Variants in MALRD1 observed in about 807,000 individuals in gnomAD.
The protein encoded by MALRD1 is MAM and LDL-receptor class A domain-containing protein 1.
MALRD1 carries 247 observed loss-of-function variants against 242.1 expected under a neutral mutation model. The ratio of observed to expected loss-of-function variants is 1.02; its 90% CI spans 0.92 to 1.13. The LOEUF (loss-of-function observed/expected upper bound fraction) is 1.13. MALRD1 is among the 50% of genes most tolerant of loss of function. The probability of loss-of-function intolerance (pLI) is 0.00; values close to 1 mark genes in which losing one functional copy is unlikely to be tolerated. For synonymous variants in MALRD1, 995 were observed against 866.6 expected, an observed-to-expected ratio of 1.15 and a Z score of -2.60; for missense variants, 2,989 against 2,533.1, an observed-to-expected ratio of 1.18 and a Z score of -3.86.
At chr10:19,318,166 T>C (rs1286440674) in intron 21 of MALRD1, among the ~76,000 whole-genome samples, 1 of 152,044 alleles carries the variant, frequency 6.6e-6, no homozygotes, top group African/African-American at 2.4e-5. Flanking sequence ...AATAATCTCA[T>C]TGCAGACATA....
chr10:19,274,516 A>G (rs917352273), intron 19 of MALRD1, among the ~76,000 whole-genome samples: 1 of 152,200 alleles, frequency 6.6e-6, no homozygotes, highest in African/African-American at 2.4e-5. Context: ...ATGTGAGGAT[A>G]CAAGGAGAAA....
chr10:19,608,024 T>G (rs2131592825), intron 35 of MALRD1, 122 bp downstream of exon 35: 3 of 1,325,012 alleles, frequency 2.3e-6, no homozygotes, highest in African/African-American at 2.9e-5. Flanking sequence ...GAATTTCTAT[T>G]CTTGGTTTGG....
At chr10:19,394,762 C>G (rs1239352194) in intron 28 of MALRD1, among the ~76,000 whole-genome samples, 1 of 152,174 alleles carries the variant, frequency 6.6e-6, no homozygotes, top group Non-Finnish European at 1.5e-5. Flanking sequence ...TGTCGACCTT[C>G]TAAAAGTTTT....
intron 1 of MALRD1, among the ~76,000 whole-genome samples, chr10:19,061,400 A>G (rs1288418526): frequency 6.6e-6 from 1 of 152,168 alleles, no homozygotes; most frequent in African/African-American, 2.4e-5. Flanking sequence ...AAATTTCAAT[A>G]ATTTTTCTTC....
Position 19,068,848 on chromosome 10 carries a change from C to A in MALRD1, c.340+1989C>A, listed in dbSNP as rs1413548938. Among the ~76,000 whole-genome samples, 3 of 152,024 alleles carry A rather than the reference C, an allele frequency of 2.0e-5. No homozygotes were observed. The East Asian group carries it at 5.8e-4, about 29-fold the overall frequency. Reference sequence around the variant, plus strand: ...ATATTTTTCATTATGTAACCAATGCCTTGAGTGGCAAGTTTGAGAATCCAT... The same window carrying A: ...ATATTTTTCATTATGTAACCAATGCATTGAGTGGCAAGTTTGAGAATCCAT... On this transcript the variant is annotated intron_variant, in intron 2 of 39. Transcript: ENST00000454679.
intron 19 of MALRD1, among the ~76,000 whole-genome samples, chr10:19,274,221 C>T (rs977228474): frequency 2.0e-5 from 3 of 152,048 alleles, no homozygotes; most frequent in Non-Finnish European, 4.4e-5. Flanking sequence ...GTAGAATAAC[C>T]CAAATGTCTA....
At chr10:19,391,637 G>A (rs997994812) in intron 28 of MALRD1, among the ~76,000 whole-genome samples, 4 of 152,134 alleles carry the variant, frequency 2.6e-5, no homozygotes, top group Admixed American at 6.6e-5. Context: ...TCCACACCGA[G>A]TCGCACCCAA....
intron 21 of MALRD1, among the ~76,000 whole-genome samples, chr10:19,284,214 T>G (rs1840978315): frequency 6.6e-6 from 1 of 152,152 alleles, no homozygotes; most frequent in Non-Finnish European, 1.5e-5. Context: ...GAATATTTTC[T>G]AGTGTTGTAA....
At chr10:19,217,292 T>C (rs542886724) in intron 18 of MALRD1, among the ~76,000 whole-genome samples, 3 of 152,208 alleles carry the variant, frequency 2.0e-5, no homozygotes, top group Non-Finnish European at 4.4e-5. Context: ...CTGATTCCTG[T>C]GTGCCATAAA....
At chr10:19,250,223 A>G (rs1040243700) in intron 18 of MALRD1, among the ~76,000 whole-genome samples, 1 of 152,016 alleles carries the variant, frequency 6.6e-6, no homozygotes, top group Admixed American at 6.6e-5. Flanking sequence ...ATACCTTATT[A>G]TCTCATTTTT....
At chr10:19,373,959 G>A (rs1845494099) in intron 26 of MALRD1, among the ~76,000 whole-genome samples, 1 of 152,108 alleles carries the variant, frequency 6.6e-6, no homozygotes, top group Non-Finnish European at 1.5e-5. Context: ...AAAACCAATA[G>A]AACTAAATGA....
chr10:19,662,591 A>T (rs979378257), intron 36 of MALRD1, among the ~76,000 whole-genome samples: 3 of 152,200 alleles, frequency 2.0e-5, no homozygotes, highest in Admixed American at 2.0e-4. Flanking sequence ...AGACCAAGGT[A>T]TTAAGAGTTT....
At position 19,607,759 on chromosome 10, in the gene MALRD1, A is replaced by T; in HGVS notation, c.5945-18A>T. ...AATCATGCTGGCATCCCTGATCATT[A>T]TTCTTTTTTTTTTGCAGCCAACAAA... On this transcript the variant is annotated intron_variant, in intron 34 of 39. Coordinates refer to ENST00000454679, the MANE Select transcript of MALRD1 (RefSeq NM_001142308.3). The T allele has an allele frequency of 1.3e-6, 2 of 1,544,002 alleles. No homozygotes were observed. The highest frequency in any genetic ancestry group is 1.2e-5 in the South Asian group (1 of 82,772).
At chr10:19,051,782 T>C in intron 1 of MALRD1, 1 of 156,412 alleles carries the variant, frequency 6.4e-6, no homozygotes, top group South Asian at 1.8e-4. Flanking sequence ...ATTATCAGGG[T>C]GTGGTGGCAG....
intron 38 of MALRD1, among the ~76,000 whole-genome samples, chr10:19,719,277 T>C (rs952800746): frequency 3.6e-4 from 51 of 140,498 alleles, no homozygotes; most frequent in African/African-American, 1.3e-3. Context: ...AATATATTTC[T>C]AAAGGGACTT....
At chr10:19,394,768 G>T (rs1846505419) in intron 28 of MALRD1, among the ~76,000 whole-genome samples, 1 of 152,184 alleles carries the variant, frequency 6.6e-6, no homozygotes, top group East Asian at 1.9e-4. Flanking sequence ...CCTTCTAAAA[G>T]TTTTGGATTT....
chr10:19,076,609 T>C (rs1835326549), intron 2 of MALRD1, among the ~76,000 whole-genome samples: 1 of 152,040 alleles, frequency 6.6e-6, no homozygotes. Context: ...TGGTTTACTT[T>C]TGAACTCTCA....
chr10:19,479,884 G>T (rs1032051382), intron 29 of MALRD1, among the ~76,000 whole-genome samples: 1 of 152,088 alleles, frequency 6.6e-6, no homozygotes, highest in African/African-American at 2.4e-5. Flanking sequence ...GGAAAGTGTG[G>T]GGAAGTCTGT....
intron 4 of MALRD1, among the ~76,000 whole-genome samples, chr10:19,096,067 T>C (rs1836019172): frequency 6.6e-6 from 1 of 152,194 alleles, no homozygotes; most frequent in Non-Finnish European, 1.5e-5. Flanking sequence ...GCTTTGTGCC[T>C]TTTTAGACGT....
Sources: gnomAD v4.1 joint callset for allele counts (sites outside exome capture counted in the v4.1 genomes callset) on GRCh38, gnomAD v4.1.1 for gene constraint, MANE v1.5 for transcripts, NCBI Gene and HGNC (gene_info 2026-07-23, HGNC 2026-07-21) for gene names.